The following DNAJB6 variants were observed in gnomAD, a reference collection of about 807,000 sequenced individuals.
The protein encoded by DNAJB6 is dnaJ homolog subfamily B member 6.
A neutral mutation model predicts 42.7 loss-of-function variants in DNAJB6; 16 were observed. That is an observed-to-expected ratio of 0.37 (90% CI 0.25 to 0.57). The LOEUF (loss-of-function observed/expected upper bound fraction) is 0.57. DNAJB6 is among the 20% of genes least tolerant of loss of function. The pLI, the probability that DNAJB6 is intolerant of heterozygous loss-of-function variation, is 0.74. For synonymous variants in DNAJB6, 170 were observed against 163.5 expected, an observed-to-expected ratio of 1.04 and a Z score of -0.30; for missense variants, 347 against 416.8, an observed-to-expected ratio of 0.83 and a Z score of 1.46.
intron 9 of DNAJB6, chr7:157,411,859 T>C (rs1342235438): frequency 6.6e-6 from 1 of 152,174 alleles, no homozygotes; most frequent in Non-Finnish European, 1.5e-5. Context: ...GGCGCTGTTC[T>C]CCCCACGTAT....
chr7:157,364,212 A>C (rs1418288431), intron 3 of DNAJB6, among the ~76,000 whole-genome samples: 1 of 152,032 alleles, frequency 6.6e-6, no homozygotes, highest in Non-Finnish European at 1.5e-5. Flanking sequence ...CCAAAAAACA[A>C]AACAAAACCA....
intron 2 of DNAJB6, among the ~76,000 whole-genome samples, chr7:157,359,968 C>T (rs1799495679): frequency 6.6e-6 from 1 of 152,208 alleles, no homozygotes; most frequent in Admixed American, 6.5e-5. Flanking sequence ...TGTGAGGAAG[C>T]CTGTGCTGCA....
At chr7:157,415,899 G>A (rs559674745) in intron 9 of DNAJB6, 117 bp from the exon 10 acceptor site, 1 of 1,573,884 alleles carries the variant, frequency 6.4e-7, no homozygotes, top group African/African-American at 1.4e-5. Context: ...CAAGATAGAT[G>A]ACTTCATTTT....
At chr7:157,351,360 G>A (rs1054140428) in intron 1 of DNAJB6, among the ~76,000 whole-genome samples, 7 of 152,120 alleles carry the variant, frequency 4.6e-5, no homozygotes, top group Admixed American at 1.3e-4. Context: ...CGGGCACGGT[G>A]GCTCATGTCT....
At chr7:157,364,344 A>AT (rs1799747167) in intron 3 of DNAJB6, among the ~76,000 whole-genome samples, 1 of 152,152 alleles carries the variant, frequency 6.6e-6, no homozygotes, top group Non-Finnish European at 1.5e-5. Flanking sequence ...AATTCCAAAC[A>AT]TTTTACTTCA....
rs869242320 is a variant in DNAJB6, at chr7:157,395,684, C to CTT, written c.691+10090_691+10091dup. ...ACATTCATTCTACGTTTTTTCTTTT[C>CTT]TTTTTTTTTTTTTTTTTTGAGACGG... On this transcript the variant is annotated intron_variant, in intron 8 of 9. Coordinates refer to ENST00000262177, the MANE Select transcript of DNAJB6 (RefSeq NM_058246.4). Among the ~76,000 whole-genome samples, 319 of 131,862 alleles carry CTT rather than the reference C, an allele frequency of 2.4e-3. 5 individuals carry two copies. Among genetic ancestry groups the CTT allele is most frequent in the African/African-American group, 4.1e-3 (149 of 35,926 alleles). The allele number at this position is 131,862 out of a possible 152,430, so 86.5% of individuals were successfully genotyped here.
intron 8 of DNAJB6, among the ~76,000 whole-genome samples, chr7:157,406,470 C>T (rs1044829975): frequency 3.3e-5 from 5 of 152,228 alleles, no homozygotes; most frequent in African/African-American, 1.2e-4. Flanking sequence ...CAAGCAGCTG[C>T]TGTCCACCTG....
chr7:157,416,009 T>C lies in DNAJB6; in HGVS notation c.899-7T>C, dbSNP rs1234508933. 6.2e-7 allele frequency: 1 copy of C among 1,614,050 alleles called. No homozygotes were observed. ...CGTACAGTGTTTTACAAGCCGTGTT[T>C]CCTTAGGATTGAAAGAAGGTGGCAA... On this transcript the variant is annotated splice_region_variant and splice_polypyrimidine_tract_variant and intron_variant, in intron 9 of 9. Coordinates refer to ENST00000262177, the MANE Select transcript of DNAJB6 (RefSeq NM_058246.4).
At chr7:157,368,869 CAGA>C (rs1799970789) in intron 5 of DNAJB6, 1 of 180,738 alleles carries the variant, frequency 5.5e-6, no homozygotes, top group Non-Finnish European at 1.2e-5. Flanking sequence ...GTTGTGTCTA[CAGA>C]TAATACAGGG....
chr7:157,389,759 A>G (rs1307948015), intron 8 of DNAJB6, among the ~76,000 whole-genome samples: 1 of 152,254 alleles, frequency 6.6e-6, no homozygotes, highest in Non-Finnish European at 1.5e-5. Context: ...TTAGAAATCT[A>G]GACGTCACTG....
intron 1 of DNAJB6, among the ~76,000 whole-genome samples, chr7:157,354,256 T>G (rs1170411640): frequency 6.6e-6 from 1 of 152,148 alleles, no homozygotes; most frequent in East Asian, 1.9e-4. Flanking sequence ...CAAGCGATTC[T>G]CCTGCCTCAG....
intron 8 of DNAJB6, among the ~76,000 whole-genome samples, chr7:157,400,247 C>T (rs1280093383): frequency 9.5e-5 from 8 of 84,304 alleles, no homozygotes; most frequent in East Asian, 3.7e-4. Flanking sequence ...TGTATGTGCT[C>T]GCGTCTAGGG....
intron 8 of DNAJB6, among the ~76,000 whole-genome samples, chr7:157,402,398 C>T (rs1383942502): frequency 6.6e-6 from 1 of 152,250 alleles, no homozygotes; most frequent in Non-Finnish European, 1.5e-5. Context: ...GCGGCTTGGC[C>T]TGCAGCGAGG....
At chr7:157,401,594 T>C (rs1198874805) in intron 8 of DNAJB6, among the ~76,000 whole-genome samples, 1 of 152,220 alleles carries the variant, frequency 6.6e-6, no homozygotes, top group Non-Finnish European at 1.5e-5. Flanking sequence ...AAAGCGAATG[T>C]AGATTTGAAG....
At chr7:157,385,332 G>A (rs1343441909) in intron 7 of DNAJB6, among the ~76,000 whole-genome samples, 2 of 152,150 alleles carry the variant, frequency 1.3e-5, no homozygotes, top group African/African-American at 2.4e-5. Context: ...CGCCTGTACG[G>A]TATTTGAGAC....
intron 9 of DNAJB6, among the ~76,000 whole-genome samples, chr7:157,415,715 TGCC>T (rs1796092034): frequency 2.6e-5 from 4 of 151,632 alleles, no homozygotes; most frequent in Non-Finnish European, 5.9e-5. Context: ...CTTCTAGCTC[TGCC>T]GCTGGGCAGA....
At position 157,369,688 on chromosome 7, in the gene DNAJB6, AGGCCTTTCATAACGTTATTATTAAACG is replaced by A. The variant is rs1462307428; in HGVS notation, c.346+2210_346+2236del. On this transcript the variant is annotated intron_variant, in intron 5 of 9. Coordinates refer to ENST00000262177, the MANE Select transcript of DNAJB6 (RefSeq NM_058246.4). ...CCCCTTCTTAACATTATTATTAAAC[AGGCCTTTCATAACGTTATTATTAAACG>A]GGCCCCTTCTTCACATTATTATTAA... Among the ~76,000 whole-genome samples, 51 of 150,272 alleles carry A rather than the reference AGGCCTTTCATAACGTTATTATTAAACG, an allele frequency of 3.4e-4. 1 individual carries two copies. Among genetic ancestry groups the A allele is most frequent in the African/African-American group, 9.4e-4 (38 of 40,252 alleles).
intron 8 of DNAJB6, among the ~76,000 whole-genome samples, chr7:157,408,017 G>A (rs758929): frequency 0.55 from 83,198 of 152,020 alleles, 25,027 homozygotes; most frequent in Admixed American, 0.7. Context: ...CTTCACTCAC[G>A]TCATAGAATC....
intron 5 of DNAJB6, among the ~76,000 whole-genome samples, chr7:157,372,505 G>C (rs1200174068): frequency 1.3e-5 from 2 of 152,238 alleles, no homozygotes; most frequent in African/African-American, 4.8e-5. Flanking sequence ...GGAGCTGCCC[G>C]AGTGGGACTG....
Sources: gnomAD v4.1 joint callset for allele counts (sites outside exome capture counted in the v4.1 genomes callset) on GRCh38, gnomAD v4.1.1 for gene constraint, MANE v1.5 for transcripts, NCBI Gene and HGNC (gene_info 2026-07-23, HGNC 2026-07-21) for gene names.